THSD7B: variants seen among roughly 807,000 people sequenced by gnomAD.
THSD7B encodes thrombospondin type-1 domain-containing protein 7B.
In THSD7B, 138 loss-of-function variants were observed where a neutral mutation model predicts 213.6. The observed-to-expected ratio is 0.65, with a 90% CI of 0.56 to 0.74. THSD7B has a LOEUF of 0.74. Among genes scored for constraint, THSD7B ranks in the 30% least tolerant of loss-of-function variants. THSD7B has a pLI of 0.00. For missense variants in THSD7B, 1,931 were observed against 1,991.5 expected (o/e 0.97, Z 0.58); for synonymous variants, 742 against 687.0 (o/e 1.08, Z -1.25).
At chr2:137,161,635 A>C (rs1383618174) in intron 6 of THSD7B, among the ~76,000 whole-genome samples, 1 of 152,144 alleles carries the variant, frequency 6.6e-6, no homozygotes, top group East Asian at 1.9e-4. Context: ...TTCTTTTATC[A>C]AACCATAGAA....
At chr2:136,860,328 G>C (rs1377911772) in intron 1 of THSD7B, among the ~76,000 whole-genome samples, 1 of 152,054 alleles carries the variant, frequency 6.6e-6, no homozygotes, top group Non-Finnish European at 1.5e-5. Flanking sequence ...ATATCACACT[G>C]TTTTTAGCTA....
At chr2:137,034,470 G>C (rs922501925) in intron 2 of THSD7B, among the ~76,000 whole-genome samples, 1 of 152,080 alleles carries the variant, frequency 6.6e-6, no homozygotes, top group Non-Finnish European at 1.5e-5. Flanking sequence ...TGAACATGCA[G>C]GTTTTTTACA....
intron 2 of THSD7B, among the ~76,000 whole-genome samples, chr2:136,916,844 C>T (rs1263204967): frequency 6.6e-6 from 1 of 152,132 alleles, no homozygotes; most frequent in African/African-American, 2.4e-5. Context: ...GAAAAGGACC[C>T]AAATCCTGAT....
chr2:137,571,213 T>G (rs533614713), intron 16 of THSD7B, among the ~76,000 whole-genome samples: 2 of 152,214 alleles, frequency 1.3e-5, no homozygotes, highest in South Asian at 4.1e-4. Context: ...CAGGATCATA[T>G]GTACTCTTTT....
intron 12 of THSD7B, among the ~76,000 whole-genome samples, chr2:137,353,775 G>C (rs1035662297): frequency 1.5e-4 from 23 of 152,186 alleles, no homozygotes; most frequent in Middle Eastern, 3.4e-3. Flanking sequence ...CCACACAAAA[G>C]CTTTCTTTCT....
intron 15 of THSD7B, among the ~76,000 whole-genome samples, chr2:137,527,332 C>A (rs1680298349): frequency 6.6e-6 from 1 of 151,898 alleles, no homozygotes; most frequent in Admixed American, 6.6e-5. Context: ...TGTATAAAAA[C>A]CATCTAAAAA....
chr2:136,903,168 A>T lies in THSD7B; in HGVS notation c.139+20851A>T, dbSNP rs114923946. Among the ~76,000 whole-genome samples the T allele has an allele frequency of 4.9e-3, 729 of 149,606 alleles. 6 individuals are homozygous for T. The highest frequency in any genetic ancestry group is 0.015 in the African/African-American group (588 of 39,492). The stretch of plus-strand genomic sequence containing the variant: ...GCTACCCCAAAAAGGTGTTTTTTTT[A>T]AAAAAAATATGAAATTAGATAATAT... On this transcript the variant is annotated intron_variant, in intron 2 of 27. Transcript: ENST00000409968.
chr2:137,119,374 A>G (rs1030233987), intron 5 of THSD7B, among the ~76,000 whole-genome samples: 1 of 152,232 alleles, frequency 6.6e-6, no homozygotes, highest in African/African-American at 2.4e-5. Flanking sequence ...AGTTGTAATA[A>G]TAATTGAACT....
At chr2:137,504,686 T>C (rs1679793151) in intron 15 of THSD7B, among the ~76,000 whole-genome samples, 1 of 152,202 alleles carries the variant, frequency 6.6e-6, no homozygotes, top group East Asian at 1.9e-4. Context: ...CTGAATTTAA[T>C]GTTGGATTAT....
intron 4 of THSD7B, among the ~76,000 whole-genome samples, chr2:137,111,826 A>C: frequency 6.6e-6 from 1 of 152,156 alleles, no homozygotes. Context: ...CATTTACTCT[A>C]CTTGAGGCAT....
Position 136,787,737 on chromosome 2 carries a change from C to G in THSD7B, c.-36+22050C>G, listed in dbSNP as rs148763090. On this transcript the variant is annotated intron_variant, in intron 1 of 27. Transcript: ENST00000409968. ...CTGCTATCCCTTGTTCCAGGAGCCT[C>G]TTGTACAAAGCTTGGCCGTGTGATT... Among the ~76,000 whole-genome samples the G allele has an allele frequency of 5.4e-3, 820 of 152,174 alleles. 7 individuals are homozygous for G. Among genetic ancestry groups the G allele is most frequent in the African/African-American group, 0.019 (788 of 41,530 alleles).
chr2:137,285,669 T>C (rs1683155407), intron 12 of THSD7B, among the ~76,000 whole-genome samples: 1 of 151,522 alleles, frequency 6.6e-6, no homozygotes, highest in Non-Finnish European at 1.5e-5. Flanking sequence ...ACAGCAATAA[T>C]ACCTGGTATT....
chr2:137,361,203 C>G (rs749867375), intron 12 of THSD7B, among the ~76,000 whole-genome samples: 1 of 152,120 alleles, frequency 6.6e-6, no homozygotes. Flanking sequence ...AAAAGGACAT[C>G]CACACCAAAA....
intron 2 of THSD7B, among the ~76,000 whole-genome samples, chr2:136,926,712 A>G (rs1167890575): frequency 1.3e-5 from 2 of 151,978 alleles, no homozygotes; most frequent in South Asian, 2.1e-4. Context: ...AAAGAAAAAA[A>G]AAAACACAAA....
At chr2:137,404,464 T>TACACACAC (rs1316384160) in intron 12 of THSD7B, among the ~76,000 whole-genome samples, 64 of 74,332 alleles carry the variant, frequency 8.6e-4, no homozygotes, top group Non-Finnish European at 1.5e-3. Context: ...TATATATATA[T>TACACACAC]ATATATATAT....
intron 2 of THSD7B, among the ~76,000 whole-genome samples, chr2:136,968,722 G>T (rs1369119450): frequency 1.3e-5 from 2 of 152,010 alleles, no homozygotes; most frequent in African/African-American, 2.4e-5. Context: ...TTTTTTAAAA[G>T]ATTTTAATAT....
chr2:137,443,540 T>C (rs982902187), intron 14 of THSD7B, among the ~76,000 whole-genome samples: 1 of 152,104 alleles, frequency 6.6e-6, no homozygotes, highest in Non-Finnish European at 1.5e-5. Flanking sequence ...ATGAATTAAT[T>C]AGATCAAGGG....
chr2:136,983,502 G>GTTT (rs35564943), intron 2 of THSD7B, among the ~76,000 whole-genome samples: 6 of 127,858 alleles, frequency 4.7e-5, no homozygotes, highest in Non-Finnish European at 6.7e-5. Context: ...AGTAAAATCT[G>GTTT]TTTTTTTTTT....
chr2:137,177,673 G>A (rs879660545), intron 7 of THSD7B, among the ~76,000 whole-genome samples: 5 of 152,194 alleles, frequency 3.3e-5, no homozygotes, highest in Non-Finnish European at 4.4e-5. Flanking sequence ...AAACACAGTT[G>A]TAAGCCAAAG....
Sources: gnomAD v4.1 joint callset for allele counts (sites outside exome capture counted in the v4.1 genomes callset) on GRCh38, gnomAD v4.1.1 for gene constraint, MANE v1.5 for transcripts, NCBI Gene and HGNC (gene_info 2026-07-23, HGNC 2026-07-21) for gene names.